GRIK4: variants seen among roughly 807,000 people sequenced by gnomAD.
The protein encoded by GRIK4 is glutamate receptor ionotropic, kainate 4.
GRIK4 carries 40 observed loss-of-function variants against 104.9 expected under a neutral mutation model. The ratio of observed to expected loss-of-function variants is 0.38; its 90% confidence interval spans 0.30 to 0.50. The LOEUF (loss-of-function observed/expected upper bound fraction) is 0.50. GRIK4 is among the 20% of genes least tolerant of loss of function. GRIK4 has a pLI of 0.93. For missense variants in GRIK4, 1,047 were observed against 1,308.1 expected (o/e 0.80, Z 3.08); for synonymous variants, 485 against 524.9 (o/e 0.92, Z 1.04).
chr11:120,588,832 A>G (rs368455054), intron 1 of GRIK4, among the ~76,000 whole-genome samples: 3 of 152,164 alleles, frequency 2.0e-5, no homozygotes, highest in Non-Finnish European at 4.4e-5. Flanking sequence ...ACCAAGCACA[A>G]TTCTAGACTC....
At chr11:120,840,781 T>C (rs1160688585) in intron 8 of GRIK4, among the ~76,000 whole-genome samples, 3 of 152,232 alleles carry the variant, frequency 2.0e-5, no homozygotes, top group East Asian at 1.9e-4. Flanking sequence ...GTTTGCAGTT[T>C]AGTGGCGTTA....
At chr11:120,613,558 C>T (rs915292187) in intron 1 of GRIK4, among the ~76,000 whole-genome samples, 7 of 152,204 alleles carry the variant, frequency 4.6e-5, no homozygotes, top group Non-Finnish European at 7.3e-5. Context: ...CATGTGTTTG[C>T]GTGTGTGCAT....
chr11:120,630,954 T>A (rs966073387), intron 1 of GRIK4, among the ~76,000 whole-genome samples: 3 of 152,184 alleles, frequency 2.0e-5, no homozygotes, highest in Non-Finnish European at 4.4e-5. Flanking sequence ...GCCGAGCGGT[T>A]AAGAATGGTG....
chr11:120,797,663 C>T (rs1028745119), intron 3 of GRIK4, among the ~76,000 whole-genome samples: 3 of 152,144 alleles, frequency 2.0e-5, no homozygotes, highest in Admixed American at 6.5e-5. Context: ...GAATCACTGT[C>T]GAAAACCTAA....
chr11:120,595,823 G>A (rs909886600), intron 1 of GRIK4, among the ~76,000 whole-genome samples: 3 of 152,154 alleles, frequency 2.0e-5, no homozygotes, highest in African/African-American at 4.8e-5. Context: ...AGTCTGCACT[G>A]TAGGCCCCTG....
chr11:120,615,587 A>G lies in GRIK4; in HGVS notation c.-158-38098A>G, dbSNP rs7126480. On this transcript the variant is annotated intron_variant, in intron 1 of 20. Coordinates refer to ENST00000527524, the MANE Select transcript of GRIK4 (RefSeq NM_014619.5). ...CTATTCCAGGAAGCCCAGCCATGCC[A>G]GCTCTGGCTTGTCACTCTTTTTGTC... 8.7e-3 allele frequency among the ~76,000 whole-genome samples: 1,325 copies of G among 152,252 alleles called. 23 individuals are homozygous for G. The highest frequency in any genetic ancestry group is 0.03 in the African/African-American group (1,252 of 41,540).
intron 3 of GRIK4, among the ~76,000 whole-genome samples, chr11:120,690,557 G>A (rs528720657): frequency 1.4e-4 from 22 of 152,354 alleles, no homozygotes; most frequent in African/African-American, 5.0e-4. Context: ...GCTGGAGCCA[G>A]GGCCCTACCT....
At chr11:120,760,205 T>G (rs1225200119) in intron 3 of GRIK4, among the ~76,000 whole-genome samples, 2 of 151,780 alleles carry the variant, frequency 1.3e-5, no homozygotes, top group African/African-American at 4.8e-5. Context: ...GAGTTCTTCT[T>G]TATAAAAATA....
chr11:120,888,147 A>G (rs992584025), intron 11 of GRIK4, among the ~76,000 whole-genome samples: 2 of 152,238 alleles, frequency 1.3e-5, no homozygotes, highest in Non-Finnish European at 2.9e-5. Flanking sequence ...ATGGGGTCTC[A>G]GGCAGGAACG....
At chr11:120,890,563 T>A (rs1291750171) in intron 11 of GRIK4, among the ~76,000 whole-genome samples, 2 of 152,220 alleles carry the variant, frequency 1.3e-5, no homozygotes, top group African/African-American at 4.8e-5. Context: ...GAACCTAAGT[T>A]CCAATCTCAG....
At chr11:120,805,491 C>T (rs1952693808) in intron 4 of GRIK4, among the ~76,000 whole-genome samples, 3 of 152,166 alleles carry the variant, frequency 2.0e-5, no homozygotes, top group Non-Finnish European at 4.4e-5. Context: ...TATCTTTATT[C>T]CATCTTAGAG....
intron 3 of GRIK4, among the ~76,000 whole-genome samples, chr11:120,725,383 C>T (rs1951011479): frequency 6.6e-6 from 1 of 152,192 alleles, no homozygotes; most frequent in South Asian, 2.1e-4. Flanking sequence ...TTGTTCCCCA[C>T]ATAGAAAGCC....
chr11:120,725,632 C>A (rs1158926911), intron 3 of GRIK4, among the ~76,000 whole-genome samples: 1 of 152,092 alleles, frequency 6.6e-6, no homozygotes, highest in Non-Finnish European at 1.5e-5. Context: ...TGGTGAGTTT[C>A]AATTCTTTGA....
intron 8 of GRIK4, among the ~76,000 whole-genome samples, chr11:120,853,085 GA>G (rs1322411021): frequency 6.6e-6 from 1 of 152,182 alleles, no homozygotes; most frequent in Non-Finnish European, 1.5e-5. Flanking sequence ...CTAGTCCTTG[GA>G]GAGGTAGCTT....
chr11:120,704,499 C>A (rs558262389), intron 3 of GRIK4, among the ~76,000 whole-genome samples: 3 of 152,156 alleles, frequency 2.0e-5, no homozygotes, highest in African/African-American at 7.2e-5. Context: ...GAAGCCTGCA[C>A]GTAATTTACA....
chr11:120,924,721 G>A (rs1187225518), intron 13 of GRIK4, among the ~76,000 whole-genome samples: 1 of 152,120 alleles, frequency 6.6e-6, no homozygotes, highest in Admixed American at 6.5e-5. Context: ...GTTGCTGTGG[G>A]TCTCAAGAAC....
chr11:120,676,945 G>A (rs539991852), intron 3 of GRIK4, among the ~76,000 whole-genome samples: 1 of 152,212 alleles, frequency 6.6e-6, no homozygotes, highest in Non-Finnish European at 1.5e-5. Flanking sequence ...GCAGTTCCAT[G>A]TGCAGGGACT....
In GRIK4 at chr11:120,737,699, GA is replaced by G. The variant is rs1222585905; in HGVS notation, c.83-64986del. Among the ~76,000 whole-genome samples the G allele has an allele frequency of 1.8e-4, 27 of 151,846 alleles. No homozygotes were observed. In the East Asian group the frequency reaches 3.9e-3, roughly 22 times the overall value. ...TGCACTTGGGTGATAAATCATAAAA[GA>G]AAAAAAACCACAAGGAAGTGATTAC... On this transcript the variant is annotated intron_variant, in intron 3 of 20. Coordinates refer to ENST00000527524, the MANE Select transcript of GRIK4 (RefSeq NM_014619.5).
intron 1 of GRIK4, among the ~76,000 whole-genome samples, chr11:120,529,465 C>T (rs1359091422): frequency 6.6e-6 from 1 of 152,218 alleles, no homozygotes; most frequent in Non-Finnish European, 1.5e-5. Context: ...GAGCCTAGAG[C>T]CCAGCCTGGG....
Sources: allele counts gnomAD v4.1 joint callset (sites outside exome capture counted in the v4.1 genomes callset), GRCh38; gene constraint gnomAD v4.1.1; transcripts MANE v1.5; gene names NCBI Gene and HGNC (gene_info 2026-07-23, HGNC 2026-07-21).